TTLL11: variants seen among roughly 807,000 people sequenced by gnomAD.
TTLL11 encodes the protein tubulin polyglutamylase TTLL11.
A neutral mutation model predicts 51.7 loss-of-function variants in TTLL11; 42 were observed. The ratio of observed to expected loss-of-function variants is 0.81; its 90% confidence interval spans 0.64 to 1.05. The LOEUF (loss-of-function observed/expected upper bound fraction) is 1.05. TTLL11 is among the 50% of genes least tolerant of loss of function. TTLL11 has a pLI of 0.00. For synonymous variants in TTLL11, 381 were observed against 383.5 expected (o/e 0.99, Z 0.08); for missense variants, 799 against 940.4 (o/e 0.85, Z 1.97).
At chr9:121,907,042 C>T (rs1004014212) in intron 6 of TTLL11, among the ~76,000 whole-genome samples, 5 of 152,148 alleles carry the variant, frequency 3.3e-5, no homozygotes, top group Non-Finnish European at 7.4e-5. Context: ...AAGCTCAGGG[C>T]CCTTGTTCAC....
At chr9:121,833,250 G>A (rs563532392) in intron 8 of TTLL11, among the ~76,000 whole-genome samples, 2 of 152,284 alleles carry the variant, frequency 1.3e-5, no homozygotes, top group South Asian at 2.1e-4. Flanking sequence ...GCAGCCAGCC[G>A]CACGTCTCTC....
chr9:122,061,562 T>A (rs1205661380), intron 1 of TTLL11, among the ~76,000 whole-genome samples: 1 of 152,220 alleles, frequency 6.6e-6, no homozygotes, highest in Non-Finnish European at 1.5e-5. Context: ...ATTTGATGGA[T>A]GTGAAATGGT....
intron 4 of TTLL11, among the ~76,000 whole-genome samples, chr9:121,975,950 A>T (rs912767459): frequency 3.9e-5 from 6 of 152,196 alleles, no homozygotes; most frequent in East Asian, 1.9e-4. Flanking sequence ...TGAAGAAGGG[A>T]TTATGTGCTC....
rs546487967 is a variant in TTLL11 at position 121,840,122 on chromosome 9, C to T, written c.1841-17243G>A. 2.6e-5 allele frequency among the ~76,000 whole-genome samples: 4 copies of T among 152,292 alleles called. No individual in the cohort carries two copies. The South Asian group carries it at 8.3e-4, about 32-fold the overall frequency. ...ACCCAAAACATTAACATGCAAATTG[C>T]CTTCTTTACAGAAGGTAATTTTATT... On this transcript the variant is annotated intron_variant, in intron 8 of 8. Transcript: ENST00000321582.
chr9:121,942,375 C>T (rs961697532), intron 6 of TTLL11, among the ~76,000 whole-genome samples: 1 of 152,222 alleles, frequency 6.6e-6, no homozygotes, highest in Non-Finnish European at 1.5e-5. Flanking sequence ...CAGGCACTAA[C>T]ACATCGTCTT....
chr9:121,899,343 GTGTGTGTGTGTA>G (rs1228306729), intron 6 of TTLL11, among the ~76,000 whole-genome samples: 166 of 113,538 alleles, frequency 1.5e-3, no homozygotes, highest in African/African-American at 5.0e-3. Flanking sequence ...AATTCACTCT[GTGTGTGTGTGTA>G]TGTGTGTGTG....
intron 7 of TTLL11, among the ~76,000 whole-genome samples, chr9:121,866,858 G>C (rs1838194683): frequency 6.6e-6 from 1 of 152,070 alleles, no homozygotes; most frequent in Admixed American, 6.5e-5. Flanking sequence ...TCAGTGTCAC[G>C]GTCACCATGG....
intron 8 of TTLL11, among the ~76,000 whole-genome samples, chr9:121,852,943 G>A (rs1837708907): frequency 6.6e-6 from 1 of 152,230 alleles, no homozygotes; most frequent in South Asian, 2.1e-4. Context: ...GAGGCCTCCT[G>A]TATTTCAGGG....
intron 1 of TTLL11, among the ~76,000 whole-genome samples, chr9:122,082,620 T>G (rs1320571583): frequency 6.6e-6 from 1 of 151,952 alleles, no homozygotes; most frequent in African/African-American, 2.4e-5. Context: ...TAAAATGGAC[T>G]ATTAGGTTGT....
chr9:122,006,398 A>AT (rs779131676), intron 3 of TTLL11, among the ~76,000 whole-genome samples: 29 of 149,646 alleles, frequency 1.9e-4, no homozygotes, highest in African/African-American at 4.4e-4. Flanking sequence ...TTTTTTCTGG[A>AT]TTTTTTTTTA....
chr9:122,010,225 A>C (rs1217308695), intron 3 of TTLL11, among the ~76,000 whole-genome samples: 3 of 152,166 alleles, frequency 2.0e-5, no homozygotes, highest in African/African-American at 7.2e-5. Flanking sequence ...CTGACACACA[A>C]TGAAAGTTGT....
At chr9:121,860,128 C>G (rs943564540) in intron 8 of TTLL11, among the ~76,000 whole-genome samples, 17 of 152,196 alleles carry the variant, frequency 1.1e-4, no homozygotes, top group Admixed American at 1.0e-3. Flanking sequence ...GAGCCTTAAG[C>G]AAAGGCAAGG....
At chr9:121,906,987 C>T (rs1464956615) in intron 6 of TTLL11, among the ~76,000 whole-genome samples, 1 of 152,088 alleles carries the variant, frequency 6.6e-6, no homozygotes, top group African/African-American at 2.4e-5. Flanking sequence ...GACAACCACC[C>T]GCTACTCCCT....
intron 6 of TTLL11, among the ~76,000 whole-genome samples, chr9:121,966,373 A>G (rs565070505): frequency 1.3e-5 from 2 of 152,300 alleles, no homozygotes; most frequent in African/African-American, 4.8e-5. Flanking sequence ...CTTCATTTAT[A>G]TTACACTGGG....
At chr9:121,887,257 C>T (rs906476138) in intron 6 of TTLL11, among the ~76,000 whole-genome samples, 2 of 152,214 alleles carry the variant, frequency 1.3e-5, no homozygotes, top group African/African-American at 4.8e-5. Flanking sequence ...GCAGCCCAAG[C>T]AGCTTCCTTT....
chr9:121,971,821 T>A (rs2131650335), intron 6 of TTLL11, among the ~76,000 whole-genome samples: 1 of 148,934 alleles, frequency 6.7e-6, no homozygotes, highest in Middle Eastern at 3.7e-3. Context: ...AATGAGTTCA[T>A]GTCCTTTGCA....
At chr9:121,951,942 C>T (rs1224771937) in intron 6 of TTLL11, among the ~76,000 whole-genome samples, 3 of 152,196 alleles carry the variant, frequency 2.0e-5, no homozygotes. Flanking sequence ...TGTAAACTGT[C>T]ATGGCGCTGG....
Position 121,863,544 on chromosome 9 carries a change from G to A in TTLL11, c.1734-3101C>T, listed in dbSNP as rs776001880. On this transcript the variant is annotated intron_variant, in intron 7 of 8. Transcript: ENST00000321582. Reference sequence around the variant, plus strand: ...CCGTAATTTACCAAAGAAATTCTCCGTTTATTCCCTTTCCAAGGTAACTCT... The same window carrying A: ...CCGTAATTTACCAAAGAAATTCTCCATTTATTCCCTTTCCAAGGTAACTCT... Among the ~76,000 whole-genome samples, 7 of 152,254 alleles carry A rather than the reference G, an allele frequency of 4.6e-5. No homozygotes were observed. In the South Asian group the frequency reaches 8.3e-4, roughly 18 times the overall value.
intron 6 of TTLL11, among the ~76,000 whole-genome samples, chr9:121,877,021 T>C (rs766714033): frequency 1.6e-4 from 25 of 152,220 alleles, no homozygotes; most frequent in Admixed American, 2.6e-4. Context: ...TGCTTGAACA[T>C]GTGGGACAAA....
Sources: allele counts gnomAD v4.1 joint callset (sites outside exome capture counted in the v4.1 genomes callset), GRCh38; gene constraint gnomAD v4.1.1; transcripts MANE v1.5; gene names NCBI Gene and HGNC (gene_info 2026-07-23, HGNC 2026-07-21).